The following ASAP2 variants were observed in gnomAD, a reference collection of about 807,000 sequenced individuals.
ASAP2 encodes the protein arf-GAP with SH3 domain, ANK repeat and PH domain-containing protein 2.
Under a neutral mutation model 131.4 loss-of-function variants are expected in ASAP2, and 45 were observed. The observed-to-expected ratio is 0.34, with a 90% CI of 0.27 to 0.44. ASAP2 has a LOEUF of 0.44. ASAP2 is among the 20% of genes least tolerant of loss of function. The pLI, the probability that ASAP2 is intolerant of heterozygous loss-of-function variation, is 1.00. For synonymous variants in ASAP2, 510 were observed against 503.0 expected (o/e 1.01, Z -0.19); for missense variants, 1,011 against 1,297.0 (o/e 0.78, Z 3.39).
At chr2:9,334,687 T>C in intron 7 of ASAP2, 51 bp from the exon 8 acceptor site, 1 of 1,550,206 alleles carries the variant, frequency 6.5e-7, no homozygotes, top group Non-Finnish European at 8.9e-7. Context: ...TCTGACAAAA[T>C]TATTTTTTCC....
At chr2:9,312,484 C>A (rs1669365824) in intron 3 of ASAP2, among the ~76,000 whole-genome samples, 1 of 152,122 alleles carries the variant, frequency 6.6e-6, no homozygotes, top group African/African-American at 2.4e-5. Flanking sequence ...CTCACGATGC[C>A]CCATCTTTTG....
intron 1 of ASAP2, among the ~76,000 whole-genome samples, chr2:9,253,819 C>T (rs1231003052): frequency 1.3e-5 from 2 of 152,002 alleles, no homozygotes; most frequent in Non-Finnish European, 2.9e-5. Flanking sequence ...TTTTACTCTC[C>T]AAGGTTTCAG....
chr2:9,341,879 C>T lies in ASAP2; in HGVS notation c.850-2653C>T, dbSNP rs1213243458. ...TCCAGAGGCTCAAGTGCTGTGTGAACTTTCTGTGGAAATGAGTTCATTTCT... is the reference window on the plus strand; with the variant it reads ...TCCAGAGGCTCAAGTGCTGTGTGAATTTTCTGTGGAAATGAGTTCATTTCT... On this transcript the variant is annotated intron_variant, in intron 9 of 27. Transcript: ENST00000281419. Among the ~76,000 whole-genome samples, 3 of 152,292 alleles carry T rather than the reference C, an allele frequency of 2.0e-5. No homozygotes were observed. In the East Asian group the frequency reaches 5.8e-4, roughly 29 times the overall value.
chr2:9,302,503 C>G lies in ASAP2; in HGVS notation c.345+5058C>G, dbSNP rs10164433. ...TTTGTTTGTTTGTTTGAAACAGAGT[C>G]TCACTGTGTCGCCCAAGCTAGAGTG... On this transcript the variant is annotated intron_variant, in intron 3 of 27. Coordinates refer to ENST00000281419, the MANE Select transcript of ASAP2 (RefSeq NM_003887.3). 8.6e-5 allele frequency among the ~76,000 whole-genome samples: 13 copies of G among 151,994 alleles called. No individual in the cohort carries two copies. In the East Asian group the frequency reaches 2.5e-3, roughly 30 times the overall value.
At chr2:9,240,358 A>T (rs1446554404) in intron 1 of ASAP2, among the ~76,000 whole-genome samples, 1 of 149,412 alleles carries the variant, frequency 6.7e-6, no homozygotes, top group African/African-American at 2.5e-5. Context: ...GGCCCAGGTG[A>T]TCCTCCCACA....
intron 21 of ASAP2, among the ~76,000 whole-genome samples, chr2:9,386,143 C>CTT (rs796770791): frequency 1.4e-5 from 2 of 143,812 alleles, no homozygotes; most frequent in Non-Finnish European, 3.1e-5. Flanking sequence ...CATGGTTTGG[C>CTT]TTTTTTTTTT....
chr2:9,380,969 C>T (rs1019277289), intron 20 of ASAP2, among the ~76,000 whole-genome samples, 161 bp downstream of exon 20: 1 of 152,058 alleles, frequency 6.6e-6, no homozygotes, highest in African/African-American at 2.4e-5. Context: ...AGAAGGTATG[C>T]TAGGGAGTCT....
Position 9,215,655 on chromosome 2 carries a change from T to G in ASAP2, c.126+8425T>G, listed in dbSNP as rs1661966581. On this transcript the variant is annotated intron_variant, in intron 1 of 27. Transcript: ENST00000281419. The stretch of plus-strand genomic sequence containing the variant: ...GAATTCCAGGCTTGATGGTAAGATT[T>G]GTTTAGCTAGTTTTTTTTTTTTTTT... 2.1e-5 allele frequency among the ~76,000 whole-genome samples: 3 copies of G among 141,300 alleles called. No individual in the cohort carries two copies. The Admixed American group carries it at 2.2e-4, about 10-fold the overall frequency. 92.7% of individuals were successfully genotyped at this position (141,300 alleles called of 152,430 possible).
rs374916169 is a variant in ASAP2 at position 9,264,993 on chromosome 2, G to A, written c.127-14324G>A. 2.7e-3 allele frequency among the ~76,000 whole-genome samples: 409 copies of A among 152,166 alleles called. 3 individuals are homozygous for A. The highest frequency in any genetic ancestry group is 9.1e-3 in the African/African-American group (377 of 41,506). On this transcript the variant is annotated intron_variant, in intron 1 of 27. Transcript: ENST00000281419. ...TCTGCAAAAAATTTGAAAATTAGCCGGGTGTGGTGGCATGTGCCTGTGCTC... is the reference window on the plus strand; with the variant it reads ...TCTGCAAAAAATTTGAAAATTAGCCAGGTGTGGTGGCATGTGCCTGTGCTC...
chr2:9,302,567 C>T (rs539971707), intron 3 of ASAP2, among the ~76,000 whole-genome samples: 10 of 152,152 alleles, frequency 6.6e-5, no homozygotes, highest in South Asian at 6.2e-4. Context: ...CTCCGCCTCC[C>T]GGGTTCCAGC....
chr2:9,353,224 A>G (rs1018191297), intron 12 of ASAP2, among the ~76,000 whole-genome samples: 1 of 151,482 alleles, frequency 6.6e-6, no homozygotes, highest in Non-Finnish European at 1.5e-5. Flanking sequence ...CACCAGCCTC[A>G]TGGGATGAGT....
intron 1 of ASAP2, among the ~76,000 whole-genome samples, chr2:9,229,875 T>C (rs1572205297): frequency 6.6e-6 from 1 of 152,062 alleles, no homozygotes; most frequent in East Asian, 1.9e-4. Context: ...TGGGCCAGGC[T>C]GTTGGGGGCA....
intron 12 of ASAP2, 104 bp downstream of exon 12, chr2:9,350,999 G>T: frequency 1.2e-6 from 1 of 865,300 alleles, no homozygotes. Context: ...ATTGGTTTTT[G>T]AAGAGACATA....
intron 11 of ASAP2, among the ~76,000 whole-genome samples, chr2:9,349,057 A>G (rs540025674): frequency 6.6e-6 from 1 of 152,334 alleles, no homozygotes; most frequent in South Asian, 2.1e-4. Context: ...TAGCTACAAA[A>G]TTGGTGTAGT....
intron 1 of ASAP2, among the ~76,000 whole-genome samples, chr2:9,211,269 G>T (rs139573064): frequency 5.1e-4 from 77 of 152,160 alleles, no homozygotes; most frequent in African/African-American, 1.8e-3. Flanking sequence ...TACAATTTTA[G>T]CAAACTTAGC....
rs1401878937 is a variant in ASAP2, at chr2:9,269,000, C to T, written c.127-10317C>T. 1.3e-5 allele frequency among the ~76,000 whole-genome samples: 2 copies of T among 151,976 alleles called. No individual in the cohort carries two copies. Among genetic ancestry groups the T allele is most frequent in the African/African-American group, 4.8e-5 (2 of 41,356 alleles). ...GCTGGGAGGAGTGGGGTGCAGGGGC[C>T]GCTGGTGCTGTGGGAGGGGCATTTT... On this transcript the variant is annotated intron_variant, in intron 1 of 27. Transcript: ENST00000281419. This position sits in a 1 kb window ranked among gnomAD's most constrained non-coding sequence, Gnocchi z 4.1.
At chr2:9,375,106 CA>C (rs112747713) in intron 17 of ASAP2, among the ~76,000 whole-genome samples, 162 bp downstream of exon 17, 23,500 of 66,166 alleles carry the variant, frequency 0.36, 4,006 homozygotes, top group African/African-American at 0.61. Flanking sequence ...CCCATCTCTA[CA>C]AAAAAAAAAA....
At chr2:9,236,189 T>A (rs572487949) in intron 1 of ASAP2, among the ~76,000 whole-genome samples, 15 of 152,200 alleles carry the variant, frequency 9.9e-5, no homozygotes, top group African/African-American at 3.6e-4. Context: ...GGGGCCCCTG[T>A]TTCCTGCTCT....
At chr2:9,332,266 T>C (rs1670894816) in intron 7 of ASAP2, among the ~76,000 whole-genome samples, 1 of 152,130 alleles carries the variant, frequency 6.6e-6, no homozygotes, top group African/African-American at 2.4e-5. Context: ...GTTAGGACTG[T>C]CATAGGGACA....
Sources: allele counts gnomAD v4.1 joint callset (sites outside exome capture counted in the v4.1 genomes callset), GRCh38; gene constraint gnomAD v4.1.1; non-coding constraint Gnocchi (gnomAD v3.1); transcripts MANE v1.5; gene names NCBI Gene and HGNC (gene_info 2026-07-23, HGNC 2026-07-21).